Variants in LYST observed in about 807,000 individuals in gnomAD.
The protein encoded by LYST is lysosomal trafficking regulator, also known as lysosomal-trafficking regulator.
LYST carries 192 observed loss-of-function variants against 413.6 expected under a neutral mutation model. That is an observed-to-expected ratio of 0.46 (90% CI 0.41 to 0.52). LYST has a LOEUF of 0.52. Among genes scored for constraint, LYST ranks in the 20% least tolerant of loss-of-function variants. The pLI is 0.00. For synonymous variants in LYST, 1,525 were observed against 1,567.3 expected, an observed-to-expected ratio of 0.97 and a Z score of 0.64; for missense variants, 3,815 against 4,499.9, an observed-to-expected ratio of 0.85 and a Z score of 4.35.
chr1:235,833,588 C>T lies in LYST; in HGVS notation c.-18G>A, dbSNP rs1381210691. The T allele has an allele frequency of 6.9e-6, 6 of 875,682 alleles. No individual in the cohort carries two copies. The highest frequency in any genetic ancestry group is 6.8e-6 in the Non-Finnish European group (5 of 729,936). The allele number at this position is 875,682 out of a possible 1,614,324, so 54.2% of individuals were successfully genotyped here. A position where few individuals can be genotyped will look rare whatever the true frequency, so the allele number is the denominator to read the frequency against. On this transcript the variant is annotated 5_prime_UTR_variant, in exon 2 of 53. It adds an upstream start codon to the 5' untranslated region. Transcript: ENST00000389793. The stretch of plus-strand genomic sequence containing the variant: ...ACATTATATACTTACCAGTCTTTCA[C>T]CACTGCTGTGACATTTACAGTCTAT...
chr1:235,837,378 A>C (rs1426039907), intron 1 of LYST, among the ~76,000 whole-genome samples: 1 of 152,208 alleles, frequency 6.6e-6, no homozygotes. Flanking sequence ...CTGTAATCAG[A>C]GCACTTTGGG....
chr1:235,775,450 A>G (rs1669137965), intron 17 of LYST, among the ~76,000 whole-genome samples: 1 of 152,180 alleles, frequency 6.6e-6, no homozygotes, highest in African/African-American at 2.4e-5. Flanking sequence ...CTTGTTCCCA[A>G]TGGGGTCTAC....
chr1:235,810,959 A>G (rs1673394676), intron 4 of LYST, among the ~76,000 whole-genome samples: 2 of 152,212 alleles, frequency 1.3e-5, no homozygotes, highest in South Asian at 2.1e-4. Flanking sequence ...AGCCTGGCCA[A>G]CACGGTGAAA....
intron 20 of LYST, among the ~76,000 whole-genome samples, chr1:235,766,835 T>G (rs915600894): frequency 3.9e-5 from 6 of 152,120 alleles, no homozygotes; most frequent in Non-Finnish European, 7.4e-5. Context: ...CTACTATTAG[T>G]AATATTAGTA....
At chr1:235,848,266 C>T (rs1572444993) in intron 1 of LYST, among the ~76,000 whole-genome samples, 1 of 152,116 alleles carries the variant, frequency 6.6e-6, no homozygotes, top group Admixed American at 6.6e-5. Context: ...AATTAAATAA[C>T]CTGCTCCTGA....
At position 235,766,453 on chromosome 1, in the gene LYST, C is replaced by A. The variant is rs182397302; in HGVS notation, c.5923-176G>T. On this transcript the variant is annotated intron_variant, in intron 20 of 52. Coordinates refer to ENST00000389793, the MANE Select transcript of LYST (RefSeq NM_000081.4). The stretch of plus-strand genomic sequence containing the variant: ...AAATTGAGTTATTTCCTAATTCAAG[C>A]AATCTTGTTATTAAAAATTCATTAA... 7.6e-4 allele frequency among the ~76,000 whole-genome samples: 115 copies of A among 152,252 alleles called. 1 individual carries two copies. Among genetic ancestry groups the A allele is most frequent in the African/African-American group, 2.6e-3 (109 of 41,558 alleles).
chr1:235,691,699 CT>C (rs1161712139), intron 47 of LYST, among the ~76,000 whole-genome samples: 142 of 141,906 alleles, frequency 1.0e-3, no homozygotes, highest in East Asian at 1.7e-3. Context: ...CAGATTCTCT[CT>C]TTTTTTTTTT....
chr1:235,800,904 C>T lies in LYST; in HGVS notation c.3906G>A (p.Gln1302=), dbSNP rs374441344. The change falls in exon 9 of 53, where the codon CAG becomes CAA. Residue 1302 remains glutamine, a synonymous_variant. Transcript: ENST00000389793. ...VFESFLKIIR[Q]KEKNVFLLMQ... is the part of the protein sequence containing the mutation. ...TGAGCAGAAAAACATTCTTTTCTTT[C>T]TGCCTAATAATTTTCAAAAAACTCT... The T allele has an allele frequency of 6.2e-7, 1 of 1,613,450 alleles. No individual in the cohort carries two copies. The highest frequency in any genetic ancestry group is 2.2e-5 in the East Asian group (1 of 44,756).
intron 22 of LYST, among the ~76,000 whole-genome samples, chr1:235,760,386 T>C (rs976417845): frequency 6.6e-6 from 1 of 152,214 alleles, no homozygotes; most frequent in Non-Finnish European, 1.5e-5. Context: ...GTTCTCTCTC[T>C]CCTCCATTTT....
intron 50 of LYST, among the ~76,000 whole-genome samples, chr1:235,668,597 G>C (rs16832780): frequency 0.081 from 12,272 of 152,190 alleles, 1,609 homozygotes; most frequent in African/African-American, 0.28. Flanking sequence ...ATTCTCATAT[G>C]ACTAGCTGAT....
Position 235,777,341 on chromosome 1 carries a change from A to G in LYST, c.5215-33T>C, listed in dbSNP as rs766299858. 6 of 1,596,220 alleles carry G rather than the reference A, an allele frequency of 3.8e-6. No homozygotes were observed. In the African/African-American group the frequency reaches 6.7e-5, roughly 18 times the overall value. ...ACAAATATTTTCATTCAGTAATGAC[A>G]ACAAGTTTAAAATGCAAGCTATGAA... is the stretch of plus-strand genomic sequence containing the variant. On this transcript the variant is annotated intron_variant, in intron 16 of 52. Transcript: ENST00000389793.
chr1:235,777,389 T>C (rs1424260138), intron 16 of LYST, 81 bp from the exon 17 acceptor site: 1 of 1,180,586 alleles, frequency 8.5e-7, no homozygotes, highest in African/African-American at 1.5e-5. Flanking sequence ...TATTTCAAAG[T>C]GAAAACACAC....
At position 235,806,691 on chromosome 1, in the gene LYST, A is replaced by G. The variant is rs1272614768; in HGVS notation, c.2445T>C (p.His815=). Residue 815 remains histidine, a synonymous_variant, in exon 6 of 53, where the codon CAT becomes CAC. Coordinates refer to ENST00000389793, the MANE Select transcript of LYST (RefSeq NM_000081.4). ...TCAGAGTTTCAAATGCTTTTAGAGA[A>G]TGACTTCGAATACCATTTAAGCAAT... The part of the protein sequence containing the change: ...ELNCLNGIRS[H]SLKAFETLII... 6.2e-7 allele frequency: 1 copy of G among 1,613,506 alleles called. No individual in the cohort carries two copies. The highest frequency in any genetic ancestry group is 1.1e-5 in the South Asian group (1 of 91,076).
chr1:235,829,601 G>T (rs1284093210), intron 3 of LYST: 1 of 152,188 alleles, frequency 6.6e-6, no homozygotes, highest in African/African-American at 2.4e-5. Context: ...ATTAATTTAT[G>T]TGAGTACTTA....
chr1:235,672,989 C>T (rs879316052), intron 50 of LYST, among the ~76,000 whole-genome samples: 4 of 152,156 alleles, frequency 2.6e-5, no homozygotes, highest in East Asian at 1.9e-4. Flanking sequence ...GACACCAACC[C>T]GGAGATCACA....
intron 31 of LYST, 149 bp from the exon 32 acceptor site, chr1:235,734,808 C>A: frequency 1.7e-6 from 1 of 589,384 alleles, no homozygotes; most frequent in South Asian, 2.3e-5. Context: ...AGGATAAGTA[C>A]AGAAATCTGA....
At chr1:235,797,700 A>G (rs373670719) in intron 10 of LYST, among the ~76,000 whole-genome samples, 103 of 152,338 alleles carry the variant, frequency 6.8e-4, no homozygotes, top group African/African-American at 2.4e-3. Context: ...GGAACATTCC[A>G]TAATATTGGA....
chr1:235,669,391 C>T (rs928835383), intron 50 of LYST, among the ~76,000 whole-genome samples: 3 of 152,214 alleles, frequency 2.0e-5, no homozygotes, highest in Non-Finnish European at 4.4e-5. Flanking sequence ...AACAAAAGGA[C>T]CAGAGGCTAC....
intron 38 of LYST, among the ~76,000 whole-genome samples, chr1:235,724,455 G>A (rs1001895976): frequency 1.3e-5 from 2 of 152,018 alleles, no homozygotes; most frequent in African/African-American, 2.4e-5. Flanking sequence ...CCCTCCCTTG[G>A]CCCTGCACTC....
Sources: allele counts gnomAD v4.1 joint callset (sites outside exome capture counted in the v4.1 genomes callset), GRCh38; gene constraint gnomAD v4.1.1; transcripts MANE v1.5; gene names NCBI Gene and HGNC (gene_info 2026-07-23, HGNC 2026-07-21).